TMEM273: variants seen among roughly 807,000 people sequenced by gnomAD.
The protein encoded by TMEM273 is chromosome 10 open reading frame 128.
A neutral mutation model predicts 17.9 loss-of-function variants in TMEM273; 19 were observed. That is an observed-to-expected ratio of 1.06 (90% confidence interval 0.74 to 1.55). The LOEUF (loss-of-function observed/expected upper bound fraction) is 1.55. Ranked by LOEUF, TMEM273 falls within the 40% of genes most tolerant of loss-of-function variation. The pLI, the probability that TMEM273 is intolerant of heterozygous loss-of-function variation, is 0.00. For missense variants in TMEM273, 194 were observed against 155.6 expected, an observed-to-expected ratio of 1.25 and a Z score of -1.31; for synonymous variants, 66 against 62.0, an observed-to-expected ratio of 1.07 and a Z score of -0.31.
chr10:49,165,824 A>AG, intron 3 of TMEM273, 28 bp from the exon 4 acceptor site: 1 of 1,614,052 alleles, frequency 6.2e-7, no homozygotes, highest in Non-Finnish European at 8.5e-7. Context: ...GGCATTAGGA[A>AG]GGGGGTCGTG....
At chr10:49,161,221 A>G (rs1209166175) in intron 6 of TMEM273, 1 of 251,430 alleles carries the variant, frequency 4.0e-6, no homozygotes, top group Non-Finnish European at 7.8e-6. Flanking sequence ...AACTGATAGC[A>G]TGATGACATG....
intron 3 of TMEM273, 80 bp downstream of exon 3, chr10:49,166,789 T>C (rs1846212513): frequency 6.3e-7 from 1 of 1,589,416 alleles, no homozygotes; most frequent in African/African-American, 1.3e-5. Flanking sequence ...GGTTCATTCT[T>C]GCTGTAGCCA....
At chr10:49,177,156 C>A (rs1476727463) in intron 1 of TMEM273, among the ~76,000 whole-genome samples, 1 of 152,230 alleles carries the variant, frequency 6.6e-6, no homozygotes, top group Non-Finnish European at 1.5e-5. Context: ...TCAGACTCAC[C>A]AGCGAGTTCC....
At chr10:49,161,735 C>A in intron 5 of TMEM273, 113 bp from the exon 6 acceptor site, 1 of 1,330,914 alleles carries the variant, frequency 7.5e-7, no homozygotes, top group East Asian at 2.4e-5. Context: ...TCTTTTGGGT[C>A]TGACTTCCTC....
At chr10:49,156,186 C>G in intron 6 of TMEM273, 1 of 1,483,138 alleles carries the variant, frequency 6.7e-7, no homozygotes, top group Non-Finnish European at 9.1e-7. Flanking sequence ...AGTCATTCCT[C>G]GAGGTTAATA....
In TMEM273 at chr10:49,170,460, G is replaced by T. The variant is rs368935582; in HGVS notation, c.44-2498C>A. The stretch of plus-strand genomic sequence containing the variant: ...CCCCAAAAAGAGGCCAGTCCCTTAG[G>T]CACCATCCTCTATGTCCCATCCTGT... On this transcript the variant is annotated intron_variant, in intron 1 of 6. Coordinates refer to ENST00000374153, the MANE Select transcript of TMEM273 (RefSeq NM_001288740.3). 2.6e-5 allele frequency among the ~76,000 whole-genome samples: 4 copies of T among 152,242 alleles called. No individual in the cohort carries two copies. The East Asian group carries it at 7.7e-4, about 29-fold the overall frequency.
At chr10:49,177,615 C>G (rs370760319) in intron 1 of TMEM273, among the ~76,000 whole-genome samples, 1 of 152,142 alleles carries the variant, frequency 6.6e-6, no homozygotes, top group Non-Finnish European at 1.5e-5. Flanking sequence ...TCACTGGCTC[C>G]GAGGAAGAGT....
At chr10:49,188,136 C>T (rs1847836154) in intron 1 of TMEM273, among the ~76,000 whole-genome samples, 158 bp downstream of exon 1, 1 of 152,226 alleles carries the variant, frequency 6.6e-6, no homozygotes, top group South Asian at 2.1e-4. Flanking sequence ...ATGAGACAAA[C>T]AAGATCATTG....
At chr10:49,178,731 G>A (rs896903892) in intron 1 of TMEM273, among the ~76,000 whole-genome samples, 4 of 152,166 alleles carry the variant, frequency 2.6e-5, no homozygotes, top group Non-Finnish European at 1.5e-5. Context: ...TGGTTCAAGA[G>A]CTTCTCCTTT....
intron 1 of TMEM273, among the ~76,000 whole-genome samples, chr10:49,170,854 G>T (rs991332497): frequency 2.6e-5 from 4 of 152,200 alleles, no homozygotes; most frequent in Non-Finnish European, 4.4e-5. Context: ...TCCTGCTAGG[G>T]TCATGAGCTG....
intron 1 of TMEM273, among the ~76,000 whole-genome samples, chr10:49,187,472 C>T (rs1436222508): frequency 1.3e-5 from 2 of 152,202 alleles, no homozygotes; most frequent in African/African-American, 4.8e-5. Flanking sequence ...AGTGCAAGTT[C>T]TGGGAAGGAA....
chr10:49,165,227 C>A lies in TMEM273; in HGVS notation c.326G>T (p.Cys109Phe). Residue 109 changes from cysteine (C) to phenylalanine (F), a missense_variant, in exon 5 of 7, where the codon TGC (cysteine) becomes TTC (phenylalanine). Physicochemically the swap from Cys to Phe is radical, Grantham distance 205. Coordinates refer to ENST00000374153, the MANE Select transcript of TMEM273 (RefSeq NM_001288740.3). ...TACCTTAAATAGGCCCTCCATGATG[C>A]AGTGGTGACACTGAAGCAGGGATTT... ...SFKSLLQCHH[C>F]IMEGLFKAKP... 6.4e-7 allele frequency: 1 copy of A among 1,550,422 alleles called. No individual in the cohort carries two copies. The highest frequency in any genetic ancestry group is 8.7e-7 in the Non-Finnish European group (1 of 1,146,952).
chr10:49,174,117 G>A (rs888171601), intron 1 of TMEM273, among the ~76,000 whole-genome samples: 2 of 152,232 alleles, frequency 1.3e-5, no homozygotes, highest in Admixed American at 1.3e-4. Flanking sequence ...ACTCACCAGA[G>A]ACAACCCTGC....
chr10:49,173,963 C>G (rs1441955858), intron 1 of TMEM273, among the ~76,000 whole-genome samples: 1 of 152,150 alleles, frequency 6.6e-6, no homozygotes, highest in African/African-American at 2.4e-5. Flanking sequence ...CTGGCACACA[C>G]TTTTCTGAGC....
Position 49,155,629 on chromosome 10 carries a change from G to C in TMEM273, c.*263C>G. On this transcript the variant is annotated 3_prime_UTR_variant, in exon 7 of 7. Coordinates refer to ENST00000374153, the MANE Select transcript of TMEM273 (RefSeq NM_001288740.3). ...AGCTCCAACACAGGGTGAAGCTTTTGGTGTCCACCTTCTTCCACTGCAGGC... is the reference window on the plus strand; with the variant it reads ...AGCTCCAACACAGGGTGAAGCTTTTCGTGTCCACCTTCTTCCACTGCAGGC... 1 of 566,714 alleles carries C rather than the reference G, an allele frequency of 1.8e-6. No individual in the cohort carries two copies. 35.1% of individuals were successfully genotyped at this position (566,714 alleles called of 1,614,324 possible).
intron 1 of TMEM273, among the ~76,000 whole-genome samples, chr10:49,174,447 G>T (rs978348526): frequency 6.6e-6 from 1 of 152,206 alleles, no homozygotes; most frequent in African/African-American, 2.4e-5. Flanking sequence ...GGCTCTTGCC[G>T]GAGTCTAGAC....
chr10:49,163,112 G>A (rs574972236), intron 5 of TMEM273, among the ~76,000 whole-genome samples: 1 of 152,274 alleles, frequency 6.6e-6, no homozygotes, highest in African/African-American at 2.4e-5. Context: ...AGAGCTGCCC[G>A]GGGCAAAGGC....
At chr10:49,172,480 A>G (rs1344089643) in intron 1 of TMEM273, among the ~76,000 whole-genome samples, 1 of 152,108 alleles carries the variant, frequency 6.6e-6, no homozygotes, top group Non-Finnish European at 1.5e-5. Flanking sequence ...TTTTCCTCTG[A>G]GCAACAAGAG....
At chr10:49,181,997 A>G (rs190702392) in intron 1 of TMEM273, among the ~76,000 whole-genome samples, 2 of 152,246 alleles carry the variant, frequency 1.3e-5, no homozygotes, top group African/African-American at 2.4e-5. Flanking sequence ...CAGTAAAAGA[A>G]AAAAGCAAGC....
Sources: allele counts gnomAD v4.1 joint callset (sites outside exome capture counted in the v4.1 genomes callset), GRCh38; gene constraint gnomAD v4.1.1; transcripts MANE v1.5; gene names NCBI Gene and HGNC (gene_info 2026-07-23, HGNC 2026-07-21).